Variants in GRM1 observed in about 807,000 individuals in gnomAD.
GRM1 encodes metabotropic glutamate receptor 1.
Under a neutral mutation model 90.9 loss-of-function variants are expected in GRM1, and 33 were observed. That is an observed-to-expected ratio of 0.36 (90% CI 0.28 to 0.49). The LOEUF is 0.49. Among genes scored for constraint, GRM1 ranks in the 20% least tolerant of loss-of-function variants. The pLI, the probability that GRM1 is intolerant of heterozygous loss-of-function variation, is 0.99. For synonymous variants in GRM1, 700 were observed against 613.2 expected, an observed-to-expected ratio of 1.14 and a Z score of -2.09; for missense variants, 1,190 against 1,534.3, an observed-to-expected ratio of 0.78 and a Z score of 3.75.
At chr6:146,274,434 T>C (rs1392792160) in intron 2 of GRM1, among the ~76,000 whole-genome samples, 1 of 152,222 alleles carries the variant, frequency 6.6e-6, no homozygotes, top group African/African-American at 2.4e-5. Flanking sequence ...TTTGTGGAAG[T>C]GATGCTTAAT....
At chr6:146,346,102 A>G (rs1436883961) in intron 3 of GRM1, among the ~76,000 whole-genome samples, 1 of 152,160 alleles carries the variant, frequency 6.6e-6, no homozygotes, top group Non-Finnish European at 1.5e-5. Flanking sequence ...GATTGCCCTT[A>G]TTTGTTTTCC....
At chr6:146,232,730 A>G (rs1456648342) in intron 2 of GRM1, among the ~76,000 whole-genome samples, 1 of 152,036 alleles carries the variant, frequency 6.6e-6, no homozygotes, top group Non-Finnish European at 1.5e-5. Context: ...AGGCTCACCT[A>G]TATGAGTTTA....
chr6:146,050,885 A>T (rs1051678756), intron 1 of GRM1, among the ~76,000 whole-genome samples: 6 of 152,076 alleles, frequency 3.9e-5, no homozygotes, highest in Admixed American at 1.3e-4. Context: ...TGACCTGTGA[A>T]CCTGTGATCC....
chr6:146,305,296 CATAGGGGCCA>C (rs1299725438), intron 3 of GRM1, among the ~76,000 whole-genome samples: 2 of 151,920 alleles, frequency 1.3e-5, no homozygotes, highest in East Asian at 3.9e-4. Flanking sequence ...TGTTTGTGGG[CATAGGGGCCA>C]AGAAACTGCA....
chr6:146,419,600 T>A (rs895642985), intron 7 of GRM1, among the ~76,000 whole-genome samples: 2 of 152,212 alleles, frequency 1.3e-5, no homozygotes, highest in Non-Finnish European at 2.9e-5. Context: ...AAAAGAGGTC[T>A]AATTGACCCA....
At chr6:146,216,219 T>C (rs959543687) in intron 2 of GRM1, among the ~76,000 whole-genome samples, 2 of 152,230 alleles carry the variant, frequency 1.3e-5, no homozygotes, top group Non-Finnish European at 2.9e-5. Flanking sequence ...CTAATACCAT[T>C]GTGCCTTAAT....
At chr6:146,059,916 G>A (rs1007959562) in intron 1 of GRM1, among the ~76,000 whole-genome samples, 4 of 152,172 alleles carry the variant, frequency 2.6e-5, no homozygotes, top group Non-Finnish European at 4.4e-5. Context: ...CTCTGCTCTG[G>A]ATTAGGCTTG....
At chr6:146,412,035 C>T (rs1373949430) in intron 7 of GRM1, among the ~76,000 whole-genome samples, 1 of 152,096 alleles carries the variant, frequency 6.6e-6, no homozygotes, top group African/African-American at 2.4e-5. Flanking sequence ...CATTTGATGC[C>T]ATCAAATGTT....
rs372590505 is a variant in GRM1, at chr6:146,159,641, T to TCTCTCTCTCTCTCACACACA, written c.950+45_950+46insTCTCTCTCTCTCACACACAC. 6.7e-4 allele frequency: 487 copies of TCTCTCTCTCTCTCACACACA among 728,242 alleles called. 1 individual carries two copies. The highest frequency in any genetic ancestry group is 3.0e-3 in the Middle Eastern group (7 of 2,332). 45.1% of individuals were successfully genotyped at this position (728,242 alleles called of 1,614,324 possible). On this transcript the variant is annotated intron_variant, in intron 2 of 7. Transcript: ENST00000282753. ...CTCTCTCTCTCTCTCTCTCTCTCTC[T>TCTCTCTCTCTCTCACACACA]CACACACACACATGCACACACACAC...
In GRM1 at chr6:146,437,260, A is replaced by G. The variant is rs1030251605; in HGVS notation, c.*2464A>G. 1 of 152,286 alleles carries G rather than the reference A, an allele frequency of 6.6e-6. No homozygotes were observed. Among genetic ancestry groups the G allele is most frequent in the African/African-American group, 2.4e-5 (1 of 41,466 alleles). The allele number at this position is 152,286 out of a possible 1,614,324, so 9.4% of individuals were successfully genotyped here. A position where few individuals can be genotyped will look rare whatever the true frequency, so the allele number is the denominator to read the frequency against. On this transcript the variant is annotated 3_prime_UTR_variant, in exon 8 of 8. Coordinates refer to ENST00000282753, the MANE Select transcript of GRM1 (RefSeq NM_001278064.2). Reference sequence around the variant, plus strand: ...TTTTAAAAAATTAGGATAGATAAGGAAACAACTTATATTCAAGTGTAAGAT... The same window carrying G: ...TTTTAAAAAATTAGGATAGATAAGGGAACAACTTATATTCAAGTGTAAGAT...
chr6:146,152,812 GA>G (rs1445166955), intron 1 of GRM1, among the ~76,000 whole-genome samples: 1 of 152,164 alleles, frequency 6.6e-6, no homozygotes, highest in Non-Finnish European at 1.5e-5. Context: ...CTAATCCAAA[GA>G]AAATATGCAG....
At chr6:146,044,545 A>C (rs1177640965) in intron 1 of GRM1, among the ~76,000 whole-genome samples, 1 of 152,010 alleles carries the variant, frequency 6.6e-6, no homozygotes, top group African/African-American at 2.4e-5. Flanking sequence ...AAGACACCCT[A>C]TGTCTCTTAA....
intron 2 of GRM1, among the ~76,000 whole-genome samples, chr6:146,196,141 G>A (rs1487473453): frequency 6.6e-6 from 1 of 152,178 alleles, no homozygotes; most frequent in African/African-American, 2.4e-5. Context: ...GCAGTTTCAT[G>A]AGGAACGTGA....
chr6:146,368,480 C>T (rs1775781834), intron 5 of GRM1, among the ~76,000 whole-genome samples: 1 of 152,060 alleles, frequency 6.6e-6, no homozygotes, highest in African/African-American at 2.4e-5. Context: ...TTCAATTTTT[C>T]CCTATTCAGT....
intron 7 of GRM1, among the ~76,000 whole-genome samples, chr6:146,416,284 TA>T (rs1448099831): frequency 1.3e-5 from 2 of 151,932 alleles, no homozygotes; most frequent in African/African-American, 4.8e-5. Flanking sequence ...TGTTCCATTT[TA>T]TTTTTTTTCC....
chr6:146,271,883 C>A (rs975293208), intron 2 of GRM1, among the ~76,000 whole-genome samples: 7 of 152,204 alleles, frequency 4.6e-5, no homozygotes, highest in Admixed American at 4.6e-4. Flanking sequence ...AATTTATTAT[C>A]TCTAACGTCT....
rs533276286 is a variant in GRM1 at position 146,058,742 on chromosome 6, CT to C, written c.700+28527del. Among the ~76,000 whole-genome samples, 36 of 152,246 alleles carry C rather than the reference CT, an allele frequency of 2.4e-4. No individual in the cohort carries two copies. The South Asian group carries it at 6.8e-3, about 29-fold the overall frequency. On this transcript the variant is annotated intron_variant, in intron 1 of 7. Transcript: ENST00000282753. The stretch of plus-strand genomic sequence containing the variant: ...TCAATCCTCTCAACCCTGCTGCTGC[CT>C]TGTCAACTAAGTTTATGTAATGGTC...
At chr6:146,147,790 T>C (rs544363822) in intron 1 of GRM1, among the ~76,000 whole-genome samples, 2 of 152,082 alleles carry the variant, frequency 1.3e-5, no homozygotes, top group Non-Finnish European at 2.9e-5. Context: ...GAGGGGGTCC[T>C]GAGTCCTGTA....
intron 2 of GRM1, among the ~76,000 whole-genome samples, chr6:146,223,716 T>G (rs76987910): frequency 0.03 from 4,618 of 152,146 alleles, 242 homozygotes; most frequent in African/African-American, 0.11. Flanking sequence ...CGGAATACCC[T>G]TTCTCCGCCA....
Sources: allele counts gnomAD v4.1 joint callset (sites outside exome capture counted in the v4.1 genomes callset), GRCh38; gene constraint gnomAD v4.1.1; transcripts MANE v1.5; gene names NCBI Gene and HGNC (gene_info 2026-07-23, HGNC 2026-07-21).